The following KIF11 variants were observed in gnomAD, a reference collection of about 807,000 sequenced individuals.
KIF11 encodes kinesin-like protein KIF11.
Under a neutral mutation model 121.0 loss-of-function variants are expected in KIF11, and 9 were observed. The ratio of observed to expected loss-of-function variants is 0.07; its 90% CI spans 0.04 to 0.13. The LOEUF (loss-of-function observed/expected upper bound fraction) is 0.13, where lower values mean the gene tolerates loss of function less well. Ranked by LOEUF, KIF11 falls within the 10% of genes least tolerant of loss-of-function variation. The probability of loss-of-function intolerance (pLI) is 1.00; values close to 1 mark genes in which losing one functional copy is unlikely to be tolerated. For missense variants in KIF11, 846 were observed against 1,217.5 expected, an observed-to-expected ratio of 0.69 and a Z score of 4.54; for synonymous variants, 408 against 421.0, an observed-to-expected ratio of 0.97 and a Z score of 0.38.
chr10:92,641,516 G>A (rs1844865740), intron 17 of KIF11, among the ~76,000 whole-genome samples: 1 of 152,154 alleles, frequency 6.6e-6, no homozygotes. Flanking sequence ...TCTATGAAAT[G>A]AGAAATCCAC....
chr10:92,643,950 T>TC (rs1205610173), intron 17 of KIF11, among the ~76,000 whole-genome samples: 9 of 152,222 alleles, frequency 5.9e-5, no homozygotes, highest in African/African-American at 2.2e-4. Context: ...AAGTATAGCA[T>TC]GTTCCATTGT....
chr10:92,645,417 T>G lies in KIF11; in HGVS notation c.2322T>G (p.Ala774=), dbSNP rs745929833. Residue 774 remains alanine (A), a synonymous_variant, in exon 18 of 22, where the codon GCT becomes GCG. Coordinates refer to ENST00000260731, the MANE Select transcript of KIF11 (RefSeq NM_004523.4). ...KMTFHSQKFC[A]DSDGFSQELR... is the part of the protein sequence containing the mutation. ...CTTTTCACAGTCAAAAATTTTGTGCTGATTCTGATGGCTTCTCACAGGAAC... is the reference window on the plus strand; with the variant it reads ...CTTTTCACAGTCAAAAATTTTGTGCGGATTCTGATGGCTTCTCACAGGAAC... 1.9e-6 allele frequency: 3 copies of G among 1,613,350 alleles called. No homozygotes were observed. In the South Asian group the frequency reaches 3.3e-5, roughly 18 times the overall value.
At position 92,653,730 on chromosome 10, in the gene KIF11, G is replaced by A; in HGVS notation, c.3105G>A (p.Val1035=). 1 of 1,613,450 alleles carries A rather than the reference G, an allele frequency of 6.2e-7. No individual in the cohort carries two copies. Reference sequence around the variant, plus strand: ...TTAACACACTGGAGAGGTCTAAAGTGGAAGAAACTACAGAGCACTTGGTTA... The same window carrying A: ...TTAACACACTGGAGAGGTCTAAAGTAGAAGAAACTACAGAGCACTTGGTTA... ...RGINTLERSK[V]EETTEHLVTK... is the part of the protein sequence containing the mutation. Residue 1035 remains valine, a synonymous_variant, in exon 22 of 22, where the codon GTG becomes GTA. Coordinates refer to ENST00000260731, the MANE Select transcript of KIF11 (RefSeq NM_004523.4).
At chr10:92,612,922 T>C in intron 6 of KIF11, 118 bp from the exon 7 acceptor site, 1 of 607,366 alleles carries the variant, frequency 1.6e-6, no homozygotes, top group South Asian at 2.3e-5. Flanking sequence ...ATCTCCTGTC[T>C]GATGTTATCT....
chr10:92,621,081 C>G (rs1844612004), intron 9 of KIF11, among the ~76,000 whole-genome samples: 1 of 152,170 alleles, frequency 6.6e-6, no homozygotes, highest in Admixed American at 6.5e-5. Flanking sequence ...GAATCAGATG[C>G]TTTTATAAGG....
intron 21 of KIF11, among the ~76,000 whole-genome samples, chr10:92,652,580 A>G (rs1845000016): frequency 6.6e-6 from 1 of 152,202 alleles, no homozygotes; most frequent in Non-Finnish European, 1.5e-5. Context: ...TTTATTCCCA[A>G]ATTCTTGCCA....
At chr10:92,599,069 C>T (rs1329761908) in intron 1 of KIF11, among the ~76,000 whole-genome samples, 4 of 151,712 alleles carry the variant, frequency 2.6e-5, no homozygotes, top group African/African-American at 9.7e-5. Flanking sequence ...TGAGCCACTG[C>T]GCCTGGCCTC....
chr10:92,605,137 A>G (rs1265355972), intron 1 of KIF11, among the ~76,000 whole-genome samples: 1 of 152,158 alleles, frequency 6.6e-6, no homozygotes, highest in African/African-American at 2.4e-5. Context: ...TAGGATAGAA[A>G]GGACTTCCTG....
At chr10:92,617,063 T>G (rs1296122167) in intron 9 of KIF11, among the ~76,000 whole-genome samples, 1 of 152,260 alleles carries the variant, frequency 6.6e-6, no homozygotes, top group East Asian at 1.9e-4. Context: ...AATTTTCATT[T>G]ATTTACATTT....
In KIF11 at chr10:92,609,758, C is replaced by T. The variant is rs117794541; in HGVS notation, c.698+249C>T. Among the ~76,000 whole-genome samples, 5,161 of 151,898 alleles carry T rather than the reference C, an allele frequency of 0.034. 137 individuals carry two copies. The highest frequency in any genetic ancestry group is 0.06 in the Admixed American group (922 of 15,256). On this transcript the variant is annotated intron_variant, in intron 6 of 21. Transcript: ENST00000260731. ...TTAAACTTTTTTTTCTTTTTTGAGA[C>T]GAATTTTCGCTCTTGTTACCCAGGC...
At chr10:92,649,639 A>T (rs1844958660) in intron 19 of KIF11, among the ~76,000 whole-genome samples, 196 bp from the exon 20 acceptor site, 1 of 152,218 alleles carries the variant, frequency 6.6e-6, no homozygotes, top group African/African-American at 2.4e-5. Context: ...TCTTGAAAAC[A>T]GTAAAGTCTG....
At chr10:92,608,714 G>A (rs996612164) in intron 4 of KIF11, among the ~76,000 whole-genome samples, 3 of 152,162 alleles carry the variant, frequency 2.0e-5, no homozygotes, top group Non-Finnish European at 1.5e-5. Flanking sequence ...TGGGATTATA[G>A]GCGTGAGCCA....
intron 19 of KIF11, among the ~76,000 whole-genome samples, chr10:92,648,905 T>G (rs755145779): frequency 1.3e-5 from 2 of 152,150 alleles, no homozygotes; most frequent in African/African-American, 4.8e-5. Flanking sequence ...GAATCAACAT[T>G]TTGAGAGATC....
chr10:92,633,519 T>G, intron 13 of KIF11, 104 bp from the exon 14 acceptor site: 1 of 775,248 alleles, frequency 1.3e-6, no homozygotes, highest in South Asian at 1.6e-5. Context: ...TTATTACAAA[T>G]TCTACAACAA....
chr10:92,613,726 G>A lies in KIF11; in HGVS notation c.1032+107G>A, dbSNP rs140282056. The A allele has an allele frequency of 2.6e-4, 286 of 1,098,472 alleles. 1 individual carries two copies. The African/African-American group carries it at 4.0e-3, about 15-fold the overall frequency. 68.0% of individuals were successfully genotyped at this position (1,098,472 alleles called of 1,614,324 possible). A position where few individuals can be genotyped will look rare whatever the true frequency, so the allele number is the denominator to read the frequency against. On this transcript the variant is annotated intron_variant, in intron 8 of 21. Coordinates refer to ENST00000260731, the MANE Select transcript of KIF11 (RefSeq NM_004523.4). The surrounding 1 kb of genome is among the most constrained non-coding windows in gnomAD (Gnocchi z 4.2). ...AGGATGGACACAGTGACTCACACCTGTAAACCCAGCACTTTGGAAGTCCAA... is the reference window on the plus strand; with the variant it reads ...AGGATGGACACAGTGACTCACACCTATAAACCCAGCACTTTGGAAGTCCAA...
chr10:92,653,545 T>C (rs1845010887), intron 21 of KIF11, 120 bp from the exon 22 acceptor site: 2 of 859,062 alleles, frequency 2.3e-6, no homozygotes, highest in Admixed American at 5.7e-5. Context: ...TGAACCTTTT[T>C]TGGTTTTCTA....
chr10:92,599,406 T>C (rs1377869236), intron 1 of KIF11, among the ~76,000 whole-genome samples: 1 of 150,428 alleles, frequency 6.6e-6, no homozygotes, highest in African/African-American at 2.4e-5. Flanking sequence ...GTGCCTGTAG[T>C]CCCAGCTACT....
At chr10:92,653,583 G>A (rs1845011381) in intron 21 of KIF11, 82 bp from the exon 22 acceptor site, 1 of 1,349,434 alleles carries the variant, frequency 7.4e-7, no homozygotes, top group Non-Finnish European at 1.0e-6. Context: ...CTATAACCCA[G>A]AGAACTTTGA....
At chr10:92,625,183 G>C (rs952964042) in intron 10 of KIF11, among the ~76,000 whole-genome samples, 2 of 152,196 alleles carry the variant, frequency 1.3e-5, no homozygotes, top group African/African-American at 2.4e-5. Flanking sequence ...TTATCACCAT[G>C]TGTTATTTTT....
Sources: allele counts gnomAD v4.1 joint callset (sites outside exome capture counted in the v4.1 genomes callset), GRCh38; gene constraint gnomAD v4.1.1; non-coding constraint Gnocchi (gnomAD v3.1); transcripts MANE v1.5; gene names NCBI Gene and HGNC (gene_info 2026-07-23, HGNC 2026-07-21).